The following PPM1H variants were observed in gnomAD, a reference collection of about 807,000 sequenced individuals.
The protein encoded by PPM1H is protein phosphatase 1H.
In PPM1H, 27 loss-of-function variants were observed where a neutral mutation model predicts 54.9. The observed-to-expected ratio is 0.49, with a 90% CI of 0.36 to 0.68. PPM1H has a LOEUF of 0.68. PPM1H is among the 30% of genes least tolerant of loss of function. The pLI, the probability that PPM1H is intolerant of heterozygous loss-of-function variation, is 0.00. For missense variants in PPM1H, 596 were observed against 667.8 expected (o/e 0.89, Z 1.19); for synonymous variants, 305 against 270.8 (o/e 1.13, Z -1.24).
At chr12:62,885,370 G>C (rs1396289754) in intron 1 of PPM1H, among the ~76,000 whole-genome samples, 2 of 152,220 alleles carry the variant, frequency 1.3e-5, no homozygotes, top group East Asian at 3.9e-4. Context: ...CCTGTTGCTA[G>C]GACAGCAAAA....
At chr12:62,662,764 C>T (rs1017243868) in intron 9 of PPM1H, among the ~76,000 whole-genome samples, 1 of 152,124 alleles carries the variant, frequency 6.6e-6, no homozygotes, top group Non-Finnish European at 1.5e-5. Context: ...AACAATGTAC[C>T]TGCCATCTAC....
chr12:62,736,431 C>T (rs1277621638), intron 5 of PPM1H, among the ~76,000 whole-genome samples: 1 of 152,138 alleles, frequency 6.6e-6, no homozygotes. Context: ...TAAGACACCA[C>T]CACAAAGGTT....
intron 1 of PPM1H, among the ~76,000 whole-genome samples, chr12:62,890,390 C>G (rs1375093083): frequency 2.0e-5 from 3 of 152,132 alleles, no homozygotes; most frequent in Non-Finnish European, 4.4e-5. Flanking sequence ...CCTGGAAGGT[C>G]AAGACTGCAG....
chr12:62,883,625 T>C (rs947524775), intron 1 of PPM1H, among the ~76,000 whole-genome samples: 6 of 152,166 alleles, frequency 3.9e-5, no homozygotes, highest in Non-Finnish European at 8.8e-5. Flanking sequence ...AACCTGCTTG[T>C]AGTAAGAACA....
At chr12:62,924,500 T>C (rs1281925463) in intron 1 of PPM1H, among the ~76,000 whole-genome samples, 4 of 152,144 alleles carry the variant, frequency 2.6e-5, no homozygotes, top group East Asian at 3.9e-4. Context: ...TGCACAAACA[T>C]AGGTGAACAG....
intron 3 of PPM1H, among the ~76,000 whole-genome samples, chr12:62,793,740 CAAAAAA>C (rs34457644): frequency 2.6e-4 from 16 of 61,226 alleles, no homozygotes; most frequent in Middle Eastern, 0.015. Flanking sequence ...AACTCCGTTT[CAAAAAA>C]AAAAAAAAAA....
intron 2 of PPM1H, among the ~76,000 whole-genome samples, chr12:62,809,103 G>A (rs1244343700): frequency 1.3e-5 from 2 of 152,152 alleles, no homozygotes; most frequent in African/African-American, 4.8e-5. Flanking sequence ...CTAGTCTGTA[G>A]TGCAGTGGTG....
At chr12:62,920,237 T>A (rs1056338818) in intron 1 of PPM1H, among the ~76,000 whole-genome samples, 1 of 152,240 alleles carries the variant, frequency 6.6e-6, no homozygotes, top group Non-Finnish European at 1.5e-5. Flanking sequence ...CAAATGTATC[T>A]TTTAGAGTCC....
At chr12:62,683,351 T>A (rs2076033855) in intron 8 of PPM1H, among the ~76,000 whole-genome samples, 1 of 152,162 alleles carries the variant, frequency 6.6e-6, no homozygotes, top group African/African-American at 2.4e-5. Context: ...ATTTCACTGA[T>A]GTTCTCATTT....
intron 1 of PPM1H, among the ~76,000 whole-genome samples, chr12:62,890,667 T>C (rs1414428928): frequency 6.7e-6 from 1 of 149,760 alleles, no homozygotes; most frequent in Non-Finnish European, 1.5e-5. Context: ...ATTAATGGAG[T>C]CAACACTTAT....
intron 1 of PPM1H, among the ~76,000 whole-genome samples, chr12:62,867,765 T>C (rs1414731504): frequency 6.6e-6 from 1 of 151,350 alleles, no homozygotes; most frequent in African/African-American, 2.4e-5. Flanking sequence ...TCTGTATTTT[T>C]AGTAGAAACG....
intron 1 of PPM1H, among the ~76,000 whole-genome samples, chr12:62,849,744 C>T (rs1869108238): frequency 6.6e-6 from 1 of 152,184 alleles, no homozygotes; most frequent in Admixed American, 6.5e-5. Context: ...ATAAAATGCA[C>T]TAAGTCTGAG....
chr12:62,768,816 G>C (rs1320183312), intron 4 of PPM1H, among the ~76,000 whole-genome samples: 1 of 152,068 alleles, frequency 6.6e-6, no homozygotes, highest in Admixed American at 6.6e-5. Flanking sequence ...GTGGAACAAA[G>C]AACACTGGTG....
At chr12:62,737,230 A>AC (rs2076354664) in intron 5 of PPM1H, among the ~76,000 whole-genome samples, 1 of 150,812 alleles carries the variant, frequency 6.6e-6, no homozygotes, top group South Asian at 2.1e-4. Flanking sequence ...AAAAAAAAAA[A>AC]AACAAAAAAA....
intron 6 of PPM1H, among the ~76,000 whole-genome samples, chr12:62,707,061 T>C (rs2076179110): frequency 6.6e-6 from 1 of 152,182 alleles, no homozygotes; most frequent in African/African-American, 2.4e-5. Flanking sequence ...CAGTTTTCTA[T>C]AGGGTGATCC....
chr12:62,720,603 C>T, intron 5 of PPM1H: 1 of 307,594 alleles, frequency 3.3e-6, no homozygotes, highest in Non-Finnish European at 6.2e-6. Context: ...AAATGGTATA[C>T]TGGTGAGATA....
chr12:62,746,866 C>T (rs918363399), intron 4 of PPM1H, among the ~76,000 whole-genome samples: 1 of 152,238 alleles, frequency 6.6e-6, no homozygotes, highest in African/African-American at 2.4e-5. Context: ...ATCACATTGC[C>T]TCAGTACACT....
chr12:62,750,513 C>T (rs1305276663), intron 4 of PPM1H, among the ~76,000 whole-genome samples: 1 of 152,186 alleles, frequency 6.6e-6, no homozygotes, highest in African/African-American at 2.4e-5. Context: ...TTTATCCATT[C>T]ATTAGTTGGC....
intron 1 of PPM1H, among the ~76,000 whole-genome samples, chr12:62,913,873 TA>T (rs201169289): frequency 0.017 from 2,587 of 152,112 alleles, 78 homozygotes; most frequent in African/African-American, 0.059. Context: ...GCTAACTTTG[TA>T]TTTTTAGTAG....
Sources: allele counts gnomAD v4.1 joint callset (sites outside exome capture counted in the v4.1 genomes callset), GRCh38; gene constraint gnomAD v4.1.1; transcripts MANE v1.5; gene names NCBI Gene and HGNC (gene_info 2026-07-23, HGNC 2026-07-21).